Variants in GPHN observed in about 807,000 individuals in gnomAD.
GPHN encodes the protein gephyrin.
In GPHN, 17 loss-of-function variants were observed where a neutral mutation model predicts 95.5. The ratio of observed to expected loss-of-function variants is 0.18; its 90% CI spans 0.12 to 0.27. The LOEUF is 0.27. Among genes scored for constraint, GPHN ranks in the 10% least tolerant of loss-of-function variants. The pLI is 1.00. For missense variants in GPHN, 660 were observed against 978.1 expected, an observed-to-expected ratio of 0.67 and a Z score of 4.34; for synonymous variants, 320 against 322.5, an observed-to-expected ratio of 0.99 and a Z score of 0.08.
intron 2 of GPHN, among the ~76,000 whole-genome samples, chr14:66,743,760 C>G (rs113183497): frequency 3.4e-4 from 52 of 152,066 alleles, no homozygotes; most frequent in Non-Finnish European, 1.6e-4. Flanking sequence ...ACAACAACAA[C>G]AAAAAAACTC....
chr14:66,607,627 T>A (rs1444631743), intron 1 of GPHN, among the ~76,000 whole-genome samples: 2 of 151,888 alleles, frequency 1.3e-5, no homozygotes. Flanking sequence ...ATCCTTCTAG[T>A]CCATGGCTTT....
chr14:67,492,652 C>T, the GPHN span, among the ~76,000 whole-genome samples: 49 of 152,328 alleles, frequency 3.2e-4, no homozygotes, highest in South Asian at 8.3e-4. Flanking sequence ...AAGCCTGGAC[C>T]GCTCTTATGG....
At chr14:67,735,143 C>A in the GPHN span, 2 of 858,634 alleles carry the variant, frequency 2.3e-6, no homozygotes, top group Non-Finnish European at 4.1e-6. Context: ...GTTGATTCGA[C>A]ATGTTGTTGG....
chr14:67,241,326 G>A, the GPHN span: 1 of 154,718 alleles, frequency 6.5e-6, no homozygotes, highest in African/African-American at 2.4e-5. Flanking sequence ...GCGCGGTCTA[G>A]AAGTGGAGTT....
chr14:66,901,489 C>A (rs1360628590), intron 5 of GPHN, among the ~76,000 whole-genome samples: 1 of 151,992 alleles, frequency 6.6e-6, no homozygotes, highest in Non-Finnish European at 1.5e-5. Flanking sequence ...TCAGTGTTTT[C>A]TTCTAGTAGT....
At chr14:66,797,584 G>A (rs983807769) in intron 3 of GPHN, among the ~76,000 whole-genome samples, 3 of 151,658 alleles carry the variant, frequency 2.0e-5, no homozygotes, top group Admixed American at 2.0e-4. Flanking sequence ...TTACTTTTGT[G>A]TGTGGCTATT....
the GPHN span, among the ~76,000 whole-genome samples, chr14:67,591,540 A>G: frequency 1.3e-5 from 2 of 152,090 alleles, no homozygotes; most frequent in Non-Finnish European, 2.9e-5. Flanking sequence ...ATGTTTGTAT[A>G]ATTTTTGTTT....
chr14:66,818,780 T>C (rs2061080694), intron 3 of GPHN, among the ~76,000 whole-genome samples: 1 of 152,196 alleles, frequency 6.6e-6, no homozygotes, highest in Non-Finnish European at 1.5e-5. Flanking sequence ...ATTTGACTTT[T>C]TAGTAATATT....
chr14:66,641,674 G>A (rs1417069813), intron 1 of GPHN, among the ~76,000 whole-genome samples: 1 of 151,370 alleles, frequency 6.6e-6, no homozygotes, highest in Non-Finnish European at 1.5e-5. Context: ...AAAAGAGAGA[G>A]GTAGAGCACA....
At chr14:67,473,739 C>T in the GPHN span, 1 of 1,612,570 alleles carries the variant, frequency 6.2e-7, no homozygotes, top group East Asian at 2.2e-5. This position sits in a 1 kb window ranked among gnomAD's most constrained non-coding sequence, Gnocchi z 6.5. Context: ...CAGGTACATG[C>T]GCTCCACGAT....
At chr14:66,784,682 C>T (rs1325542295) in intron 3 of GPHN, among the ~76,000 whole-genome samples, 1 of 152,080 alleles carries the variant, frequency 6.6e-6, no homozygotes, top group Non-Finnish European at 1.5e-5. Context: ...TAAGTTATAT[C>T]TGTATATTGT....
At chr14:66,792,596 A>G (rs2060012120) in intron 3 of GPHN, among the ~76,000 whole-genome samples, 1 of 152,218 alleles carries the variant, frequency 6.6e-6, no homozygotes, top group African/African-American at 2.4e-5. Context: ...CTCACCATGC[A>G]AAAAATAAAA....
At chr14:66,940,779 A>T (rs1656777202) in intron 8 of GPHN, among the ~76,000 whole-genome samples, 1 of 152,096 alleles carries the variant, frequency 6.6e-6, no homozygotes, top group Non-Finnish European at 1.5e-5. Flanking sequence ...TGAGTTTGAG[A>T]CAAAAATGTG....
chr14:67,207,147 C>T, the GPHN span, among the ~76,000 whole-genome samples: 1 of 151,776 alleles, frequency 6.6e-6, no homozygotes. Flanking sequence ...TGTATTAGGC[C>T]ATTGTTGCAT....
chr14:66,571,564 A>G lies in GPHN; in HGVS notation c.64+62973A>G, dbSNP rs189917714. On this transcript the variant is annotated intron_variant, in intron 1 of 22. Coordinates refer to ENST00000478722, the MANE Select transcript of GPHN (RefSeq NM_020806.5). ...GGTCATATTCAAAATACCATTCCCT[A>G]CTTTGGGAGGCTGAGTCAGGCGAAT... 3.9e-3 allele frequency among the ~76,000 whole-genome samples: 593 copies of G among 152,036 alleles called. 5 individuals carry two copies. Among genetic ancestry groups the G allele is most frequent in the African/African-American group, 0.014 (570 of 41,462 alleles).
chr14:67,010,038 C>G (rs903159322), intron 9 of GPHN, among the ~76,000 whole-genome samples: 1 of 151,770 alleles, frequency 6.6e-6, no homozygotes, highest in Non-Finnish European at 1.5e-5. Flanking sequence ...GGATTACAGA[C>G]GTGAGCCACC....
chr14:66,802,324 G>A (rs2060386007), intron 3 of GPHN, among the ~76,000 whole-genome samples: 1 of 152,102 alleles, frequency 6.6e-6, no homozygotes, highest in African/African-American at 2.4e-5. Flanking sequence ...ATCAGTCTGT[G>A]GTGAATGCTG....
At chr14:66,777,538 C>A (rs1168673707) in intron 3 of GPHN, among the ~76,000 whole-genome samples, 4 of 152,024 alleles carry the variant, frequency 2.6e-5, no homozygotes, top group Non-Finnish European at 4.4e-5. Flanking sequence ...AATTTTAGAC[C>A]AATATCCTTG....
chr14:66,876,328 C>A (rs2063661683), intron 4 of GPHN, among the ~76,000 whole-genome samples: 1 of 151,992 alleles, frequency 6.6e-6, no homozygotes, highest in Non-Finnish European at 1.5e-5. Context: ...CCTAATATCA[C>A]AATTAAAAGA....
Sources: allele counts gnomAD v4.1 joint callset (sites outside exome capture counted in the v4.1 genomes callset), GRCh38; gene constraint gnomAD v4.1.1; non-coding constraint Gnocchi (gnomAD v3.1); transcripts MANE v1.5; gene names NCBI Gene and HGNC (gene_info 2026-07-23, HGNC 2026-07-21).